The following STAU2 variants were observed in gnomAD, a reference collection of about 807,000 sequenced individuals.
STAU2 encodes double-stranded RNA-binding protein Staufen homolog 2.
In STAU2, 20 loss-of-function variants were observed where a neutral mutation model predicts 65.9. The ratio of observed to expected loss-of-function variants is 0.30; its 90% CI spans 0.21 to 0.44. STAU2 has a LOEUF of 0.44. Among genes scored for constraint, STAU2 ranks in the 20% least tolerant of loss-of-function variants. The pLI is 1.00. For synonymous variants in STAU2, 232 were observed against 233.9 expected, an observed-to-expected ratio of 0.99 and a Z score of 0.07; for missense variants, 558 against 683.9, an observed-to-expected ratio of 0.82 and a Z score of 2.05.
intron 6 of STAU2, among the ~76,000 whole-genome samples, chr8:73,658,657 G>A (rs1816570481): frequency 6.6e-6 from 1 of 152,154 alleles, no homozygotes. Context: ...GCTCATGCCT[G>A]TAATCCCAGC....
intron 4 of STAU2, among the ~76,000 whole-genome samples, chr8:73,694,082 T>C (rs1461089043): frequency 6.6e-6 from 1 of 152,150 alleles, no homozygotes; most frequent in Non-Finnish European, 1.5e-5. Context: ...GATTCCAGAG[T>C]AAAGACTATT....
At chr8:73,529,858 C>T (rs35229016) in intron 13 of STAU2, among the ~76,000 whole-genome samples, 102,686 of 152,040 alleles carry the variant, frequency 0.68, 35,984 homozygotes, top group Non-Finnish European at 0.79. Context: ...ATTCTTCCAC[C>T]GTAATTCTTA....
intron 8 of STAU2, 50 bp from the exon 9 acceptor site, chr8:73,614,006 A>G: frequency 1.4e-6 from 2 of 1,409,324 alleles, no homozygotes; most frequent in Non-Finnish European, 1.9e-6. Context: ...CTTGAGATGT[A>G]TTCTTAAAGT....
chr8:73,743,381 T>C (rs1353313815), intron 1 of STAU2, among the ~76,000 whole-genome samples: 1 of 152,164 alleles, frequency 6.6e-6, no homozygotes, highest in Non-Finnish European at 1.5e-5. Context: ...ACAGTCACAT[T>C]GCTAGGTTTA....
chr8:73,637,498 A>G (rs1179015768), intron 6 of STAU2, among the ~76,000 whole-genome samples: 1 of 141,590 alleles, frequency 7.1e-6, no homozygotes, highest in Non-Finnish European at 1.5e-5. Flanking sequence ...AAAAAAAAAA[A>G]AAAAAAAGAA....
chr8:73,662,840 T>G (rs981742898), intron 6 of STAU2, among the ~76,000 whole-genome samples: 13 of 152,162 alleles, frequency 8.5e-5, no homozygotes, highest in Admixed American at 4.6e-4. Flanking sequence ...GGTCTCGAAC[T>G]CCTGACCTCA....
chr8:73,534,684 T>C (rs1357756039), intron 13 of STAU2, among the ~76,000 whole-genome samples: 1 of 152,222 alleles, frequency 6.6e-6, no homozygotes, highest in Non-Finnish European at 1.5e-5. Context: ...TTGAAAGTAA[T>C]ATTAAAGAGA....
At chr8:73,479,472 G>GCACACACATACACA (rs1554595264) in intron 13 of STAU2, among the ~76,000 whole-genome samples, 3 of 139,842 alleles carry the variant, frequency 2.1e-5, no homozygotes, top group East Asian at 2.2e-4. Flanking sequence ...TCCCTATTCT[G>GCACACACATACACA]CACACACACA....
At chr8:73,726,823 T>C (rs930612351) in intron 3 of STAU2, among the ~76,000 whole-genome samples, 4 of 152,250 alleles carry the variant, frequency 2.6e-5, no homozygotes, top group Non-Finnish European at 5.9e-5. Context: ...TGGGTCTCTT[T>C]CTTTTCAGAA....
intron 10 of STAU2, among the ~76,000 whole-genome samples, chr8:73,601,596 C>A (rs1251656938): frequency 1.3e-5 from 2 of 151,998 alleles, no homozygotes; most frequent in East Asian, 1.9e-4. Context: ...ATACAAAGGC[C>A]GTTACTTTGA....
chr8:73,649,869 TTATATATATATATATATATATA>T lies in STAU2; in HGVS notation c.410+23216_410+23237del, dbSNP rs55814743. Among the ~76,000 whole-genome samples, 272 of 71,626 alleles carry T rather than the reference TTATATATATATATATATATATA, an allele frequency of 3.8e-3. 7 individuals are homozygous for T. Among genetic ancestry groups the T allele is most frequent in the South Asian group, 0.017 (27 of 1,612 alleles). The allele number at this position is 71,626 out of a possible 152,430, so 47.0% of individuals were successfully genotyped here. Reference sequence around the variant, plus strand: ...TAGTATATATGTCTTCTATATAATTTTATATATATATATATATATATATATATATATATATATATGGTGCAAA... The same window carrying T: ...TAGTATATATGTCTTCTATATAATTTTATATATATATATATATGGTGCAAA... On this transcript the variant is annotated intron_variant, in intron 6 of 14. Coordinates refer to ENST00000524300, the MANE Select transcript of STAU2 (RefSeq NM_001164380.2).
intron 13 of STAU2, among the ~76,000 whole-genome samples, chr8:73,509,185 T>A (rs182689626): frequency 3.5e-4 from 53 of 152,304 alleles, no homozygotes; most frequent in African/African-American, 1.2e-3. Flanking sequence ...AGTACAGTCA[T>A]CTTAGTGGGG....
At chr8:73,473,161 A>C (rs1439491310) in intron 13 of STAU2, among the ~76,000 whole-genome samples, 1 of 152,148 alleles carries the variant, frequency 6.6e-6, no homozygotes, top group South Asian at 2.1e-4. Flanking sequence ...CGAGCAGTCA[A>C]TGAGGAGAGT....
chr8:73,472,840 T>C (rs1258368127), intron 13 of STAU2, among the ~76,000 whole-genome samples: 2 of 152,158 alleles, frequency 1.3e-5, no homozygotes, highest in East Asian at 3.8e-4. Flanking sequence ...AGTAAGCTCC[T>C]GTTTCACCAA....
chr8:73,491,420 C>T (rs1239972868), intron 13 of STAU2, among the ~76,000 whole-genome samples: 2 of 151,952 alleles, frequency 1.3e-5, no homozygotes, highest in African/African-American at 4.8e-5. Context: ...ATTTTCTCAA[C>T]AGGTGACTTA....
intron 11 of STAU2, among the ~76,000 whole-genome samples, chr8:73,584,907 C>T (rs928631563): frequency 2.2e-4 from 34 of 152,244 alleles, no homozygotes; most frequent in African/African-American, 7.5e-4. Flanking sequence ...ACCTGGTGAA[C>T]AGAAAGAAAC....
At chr8:73,672,897 AG>A (rs1359204315) in intron 6 of STAU2, 2 of 244,174 alleles carry the variant, frequency 8.2e-6, no homozygotes, top group East Asian at 6.0e-5. Context: ...TTTGTGGGGT[AG>A]GGGAAAAAAA....
At chr8:73,613,343 G>C (rs80297202) in intron 9 of STAU2, among the ~76,000 whole-genome samples, 3 of 152,104 alleles carry the variant, frequency 2.0e-5, no homozygotes, top group Non-Finnish European at 4.4e-5. Context: ...AGATCAGAGC[G>C]GTTCAGGAGG....
intron 12 of STAU2, among the ~76,000 whole-genome samples, chr8:73,553,145 C>T (rs1201159357): frequency 6.6e-6 from 1 of 152,198 alleles, no homozygotes; most frequent in African/African-American, 2.4e-5. Flanking sequence ...CTTTGACTAT[C>T]ATTTGTCTCA....
Sources: gnomAD v4.1 joint callset for allele counts (sites outside exome capture counted in the v4.1 genomes callset) on GRCh38, gnomAD v4.1.1 for gene constraint, MANE v1.5 for transcripts, NCBI Gene and HGNC (gene_info 2026-07-23, HGNC 2026-07-21) for gene names.